Variants in MCTP1 observed in about 807,000 individuals in gnomAD.
MCTP1 encodes the protein multiple C2 and transmembrane domain-containing protein 1.
In MCTP1, 69 loss-of-function variants were observed where a neutral mutation model predicts 120.6. The ratio of observed to expected loss-of-function variants is 0.57; its 90% CI spans 0.47 to 0.70. MCTP1 has a LOEUF of 0.70. MCTP1 is among the 30% of genes least tolerant of loss of function. MCTP1 has a pLI of 0.00. For missense variants in MCTP1, 1,203 were observed against 1,248.8 expected (o/e 0.96, Z 0.55); for synonymous variants, 529 against 493.1 (o/e 1.07, Z -0.96).
rs550152397 is a variant in MCTP1, at chr5:94,965,129, C to T, written c.839-11768G>A. Among the ~76,000 whole-genome samples, 8 of 152,144 alleles carry T rather than the reference C, an allele frequency of 5.3e-5. No individual in the cohort carries two copies. In the South Asian group the frequency reaches 1.0e-3, roughly 20 times the overall value. On this transcript the variant is annotated intron_variant, in intron 2 of 22. Coordinates refer to ENST00000515393, the MANE Select transcript of MCTP1 (RefSeq NM_024717.7). ...AACTCTCTGAATCATTTCTTATAAT[C>T]GAGGTTTAGGCGATGAACTTGCTCA...
intron 17 of MCTP1, among the ~76,000 whole-genome samples, chr5:94,814,939 T>C (rs1042888665): frequency 6.6e-6 from 1 of 152,154 alleles, no homozygotes; most frequent in African/African-American, 2.4e-5. Context: ...AGGTTTTCAT[T>C]TGCATTCCTC....
In MCTP1 at chr5:94,841,218, G is replaced by A. The variant is rs182553042; in HGVS notation, c.2436+27115C>T. On this transcript the variant is annotated intron_variant, in intron 17 of 22. Transcript: ENST00000515393. ...GAAAGGCATATCCCCAGGACAGAAA[G>A]GTGCCACTGAAAATAAAACAATGGT... Among the ~76,000 whole-genome samples the A allele has an allele frequency of 3.6e-4, 55 of 152,242 alleles. No homozygotes were observed. In the East Asian group the frequency reaches 8.7e-3, roughly 24 times the overall value.
At chr5:95,170,123 T>C (rs1011465258) in intron 1 of MCTP1, among the ~76,000 whole-genome samples, 3 of 152,218 alleles carry the variant, frequency 2.0e-5, no homozygotes, top group Non-Finnish European at 4.4e-5. Context: ...TTTGTTCTCA[T>C]TGGTTTCAAA....
chr5:95,096,565 CAA>C (rs1756282958), intron 1 of MCTP1, among the ~76,000 whole-genome samples: 2 of 152,140 alleles, frequency 1.3e-5, no homozygotes, highest in South Asian at 4.1e-4. Flanking sequence ...AAGGGGAAAG[CAA>C]AGAGTCGCTT....
chr5:94,808,804 A>G (rs1782874899), intron 17 of MCTP1, among the ~76,000 whole-genome samples: 1 of 152,144 alleles, frequency 6.6e-6, no homozygotes, highest in African/African-American at 2.4e-5. Flanking sequence ...TTTATTGGCA[A>G]GCTGTGACTT....
intron 1 of MCTP1, among the ~76,000 whole-genome samples, chr5:95,206,370 G>A (rs566163029): frequency 9.2e-5 from 14 of 152,138 alleles, no homozygotes; most frequent in Non-Finnish European, 1.9e-4. Flanking sequence ...AGGTAATAGA[G>A]ACTGAATGGT....
At chr5:94,954,471 G>C (rs923949345) in intron 2 of MCTP1, among the ~76,000 whole-genome samples, 9 of 151,882 alleles carry the variant, frequency 5.9e-5, no homozygotes, top group African/African-American at 2.2e-4. Flanking sequence ...TACGACTTGG[G>C]TGATGGGTAT....
intron 2 of MCTP1, among the ~76,000 whole-genome samples, chr5:94,995,673 C>T (rs1832488789): frequency 6.6e-6 from 1 of 152,178 alleles, no homozygotes; most frequent in African/African-American, 2.4e-5. Flanking sequence ...CCTTTGCTTT[C>T]CTCCCAAGGG....
intron 17 of MCTP1, among the ~76,000 whole-genome samples, chr5:94,865,067 T>C (rs1796547224): frequency 6.6e-6 from 1 of 151,876 alleles, no homozygotes; most frequent in Non-Finnish European, 1.5e-5. Flanking sequence ...TAAAACCGAA[T>C]GCATTGCACA....
chr5:95,173,098 T>G (rs190440796), intron 1 of MCTP1, among the ~76,000 whole-genome samples: 6 of 152,310 alleles, frequency 3.9e-5, no homozygotes, highest in African/African-American at 1.4e-4. Context: ...AAAGATTATT[T>G]TCTTGTATGG....
At chr5:94,763,032 A>G (rs550782709) in intron 19 of MCTP1, among the ~76,000 whole-genome samples, 1 of 152,336 alleles carries the variant, frequency 6.6e-6, no homozygotes, top group East Asian at 1.9e-4. Context: ...TACTCTCTTC[A>G]ACATAAATTT....
At position 95,085,168 on chromosome 5, in the gene MCTP1, C is replaced by T. The variant is rs145444327; in HGVS notation, c.721-67684G>A. Among the ~76,000 whole-genome samples the T allele has an allele frequency of 4.6e-5, 7 of 152,168 alleles. No individual in the cohort carries two copies. In the East Asian group the frequency reaches 1.4e-3, roughly 29 times the overall value. ...ATTATATTAATAGACACATCTGAAG[C>T]CTCCATATGTCTTTACCTATCCCAT... On this transcript the variant is annotated intron_variant, in intron 1 of 22. Transcript: ENST00000515393.
chr5:94,752,292 G>A (rs141639675), intron 19 of MCTP1, among the ~76,000 whole-genome samples: 1,645 of 151,376 alleles, frequency 0.011, 21 homozygotes, highest in Non-Finnish European at 0.018. Flanking sequence ...AAGTGGTGAG[G>A]ATGAGCCCTC....
intron 17 of MCTP1, among the ~76,000 whole-genome samples, chr5:94,817,726 G>T (rs757544133): frequency 1.3e-5 from 2 of 152,134 alleles, no homozygotes; most frequent in East Asian, 3.8e-4. Context: ...ATCGTGGATC[G>T]ATTTGTATTT....
Position 94,839,231 on chromosome 5 carries a change from G to A in MCTP1, c.2436+29102C>T, listed in dbSNP as rs1228013443. On this transcript the variant is annotated intron_variant, in intron 17 of 22. Coordinates refer to ENST00000515393, the MANE Select transcript of MCTP1 (RefSeq NM_024717.7). ...CATGTTTCAGTTTTTTTCCAATACT[G>A]GTACTTTTCTATCACCGCCAAGTTG... Among the ~76,000 whole-genome samples, 3 of 152,040 alleles carry A rather than the reference G, an allele frequency of 2.0e-5. No homozygotes were observed. The East Asian group carries it at 5.8e-4, about 29-fold the overall frequency.
chr5:94,993,334 C>G (rs1490055207), intron 2 of MCTP1, among the ~76,000 whole-genome samples: 1 of 152,110 alleles, frequency 6.6e-6, no homozygotes, highest in Non-Finnish European at 1.5e-5. Flanking sequence ...AGCATCTACA[C>G]GTATTCACAG....
intron 1 of MCTP1, among the ~76,000 whole-genome samples, chr5:95,069,684 A>G (rs892763103): frequency 6.8e-6 from 1 of 147,590 alleles, no homozygotes; most frequent in Non-Finnish European, 1.5e-5. Flanking sequence ...ACACAAAAAC[A>G]AATGACCCTT....
chr5:94,938,453 A>G (rs1357465185), intron 5 of MCTP1, among the ~76,000 whole-genome samples: 1 of 151,968 alleles, frequency 6.6e-6, no homozygotes, highest in East Asian at 1.9e-4. Context: ...CTCTGCTTTA[A>G]ACACCTCCTC....
intron 1 of MCTP1, among the ~76,000 whole-genome samples, chr5:95,070,192 T>C (rs1484367414): frequency 6.6e-6 from 1 of 152,216 alleles, no homozygotes; most frequent in Non-Finnish European, 1.5e-5. Context: ...ATGGAAGGCC[T>C]ACTAGGCCAA....
Sources: allele counts gnomAD v4.1 joint callset (sites outside exome capture counted in the v4.1 genomes callset), GRCh38; gene constraint gnomAD v4.1.1; transcripts MANE v1.5; gene names NCBI Gene and HGNC (gene_info 2026-07-23, HGNC 2026-07-21).